The following PPP4R3B variants were observed in gnomAD, a reference collection of about 807,000 sequenced individuals.
PPP4R3B encodes the protein serine/threonine-protein phosphatase 4 regulatory subunit 3B.
In PPP4R3B, 52 loss-of-function variants were observed where a neutral mutation model predicts 95.4. That is an observed-to-expected ratio of 0.54 (90% CI 0.44 to 0.69). The LOEUF (loss-of-function observed/expected upper bound fraction) is 0.69. PPP4R3B is among the 30% of genes least tolerant of loss of function. PPP4R3B has a pLI of 0.00. For missense variants in PPP4R3B, 1,003 were observed against 1,005.9 expected, an observed-to-expected ratio of 1.00 and a Z score of 0.04; for synonymous variants, 407 against 343.9, an observed-to-expected ratio of 1.18 and a Z score of -2.03.
intron 2 of PPP4R3B, among the ~76,000 whole-genome samples, chr2:55,613,885 TG>T (rs1393122556): frequency 1.3e-5 from 2 of 152,012 alleles, no homozygotes; most frequent in Non-Finnish European, 2.9e-5. Flanking sequence ...AGTGATCATC[TG>T]GTAAAAACTC....
intron 16 of PPP4R3B, among the ~76,000 whole-genome samples, chr2:55,554,890 C>T (rs1301223206): frequency 6.6e-6 from 1 of 152,080 alleles, no homozygotes; most frequent in Non-Finnish European, 1.5e-5. Context: ...ACATTTGGAT[C>T]TTTTCATCCA....
chr2:55,596,580 G>C (rs1209670241), intron 4 of PPP4R3B, among the ~76,000 whole-genome samples: 1 of 152,186 alleles, frequency 6.6e-6, no homozygotes, highest in Non-Finnish European at 1.5e-5. Context: ...ATAAAAGCTA[G>C]GTATTTTGTG....
intron 16 of PPP4R3B, among the ~76,000 whole-genome samples, chr2:55,555,605 T>C (rs1312246693): frequency 6.6e-6 from 1 of 152,164 alleles, no homozygotes; most frequent in Non-Finnish European, 1.5e-5. Context: ...TCCTAGAACA[T>C]TATAATAAAT....
intron 8 of PPP4R3B, among the ~76,000 whole-genome samples, chr2:55,580,341 C>A (rs915117642): frequency 1.3e-5 from 2 of 152,080 alleles, no homozygotes; most frequent in African/African-American, 2.4e-5. Context: ...ACTATTGATC[C>A]CATTTGTCTC....
intron 7 of PPP4R3B, among the ~76,000 whole-genome samples, chr2:55,584,455 T>C (rs1689859993): frequency 6.6e-6 from 1 of 152,214 alleles, no homozygotes; most frequent in Non-Finnish European, 1.5e-5. Flanking sequence ...ACCCAAGCAG[T>C]ATACACTGCA....
intron 3 of PPP4R3B, among the ~76,000 whole-genome samples, chr2:55,603,582 T>A (rs1692957195): frequency 6.6e-6 from 1 of 152,224 alleles, no homozygotes; most frequent in African/African-American, 2.4e-5. Flanking sequence ...TAAACTGAAG[T>A]CATGAATACT....
chr2:55,604,510 C>T (rs771301810), intron 2 of PPP4R3B, among the ~76,000 whole-genome samples: 4 of 151,726 alleles, frequency 2.6e-5, no homozygotes, highest in Non-Finnish European at 4.4e-5. Context: ...TAAGGCTTAA[C>T]TCTATTTTTG....
chr2:55,602,529 C>T (rs1692765357), intron 3 of PPP4R3B, among the ~76,000 whole-genome samples: 1 of 152,208 alleles, frequency 6.6e-6, no homozygotes, highest in African/African-American at 2.4e-5. Flanking sequence ...TATTCTTGAC[C>T]TCTGGAGGTG....
chr2:55,576,030 T>C (rs1388413055), intron 11 of PPP4R3B, among the ~76,000 whole-genome samples: 1 of 150,774 alleles, frequency 6.6e-6, no homozygotes, highest in Non-Finnish European at 1.5e-5. Flanking sequence ...ACAGCCAAAA[T>C]TTGAACTAGT....
chr2:55,593,251 T>C (rs1691285971), intron 4 of PPP4R3B, among the ~76,000 whole-genome samples: 1 of 152,164 alleles, frequency 6.6e-6, no homozygotes, highest in Non-Finnish European at 1.5e-5. Flanking sequence ...GCTAGAACAT[T>C]TGGAGTCACT....
intron 4 of PPP4R3B, 111 bp from the exon 5 acceptor site, chr2:55,589,067 T>C (rs755086656): frequency 2.4e-5 from 16 of 660,854 alleles, no homozygotes; most frequent in Non-Finnish European, 3.5e-5. Flanking sequence ...ATTTTCATCA[T>C]GAAACCTAAT....
At chr2:55,604,432 C>T (rs906955871) in intron 2 of PPP4R3B, among the ~76,000 whole-genome samples, 7 of 152,140 alleles carry the variant, frequency 4.6e-5, no homozygotes, top group Non-Finnish European at 8.8e-5. Context: ...CTGTCCCATT[C>T]ACTAACCACC....
rs1223772161 is a variant in PPP4R3B at position 55,579,747 on chromosome 2, T to C, written c.1400A>G (p.Tyr467Cys). 6.2e-7 allele frequency: 1 copy of C among 1,606,580 alleles called. No individual in the cohort carries two copies. Among genetic ancestry groups the C allele is most frequent in the Non-Finnish European group, 8.5e-7 (1 of 1,176,880 alleles). ...TEKSEFLNFF[Y>C]NHCMHVLTAP... is the part of the protein sequence containing the mutation. ...TGTGAGAACATGCATACAATGGTTGTAGAAAAAATTTAGAAATTCACTTTT... is the reference window on the plus strand; with the variant it reads ...TGTGAGAACATGCATACAATGGTTGCAGAAAAAATTTAGAAATTCACTTTT... Residue 467 changes from tyrosine to cysteine, a missense_variant, in exon 9 of 17, where the codon TAC becomes TGC. By Grantham distance (194) the Tyr-to-Cys change is radical. Coordinates refer to ENST00000616407, the MANE Select transcript of PPP4R3B (RefSeq NM_001122964.3).
intron 11 of PPP4R3B, among the ~76,000 whole-genome samples, chr2:55,574,423 T>C (rs1016489631): frequency 6.6e-6 from 1 of 151,910 alleles, no homozygotes; most frequent in African/African-American, 2.4e-5. Context: ...GCTATATTAT[T>C]AATATTAATA....
At chr2:55,603,244 C>T (rs905278239) in intron 3 of PPP4R3B, among the ~76,000 whole-genome samples, 5 of 152,148 alleles carry the variant, frequency 3.3e-5, no homozygotes, top group Non-Finnish European at 7.3e-5. Flanking sequence ...TGAGTAACCG[C>T]GTCCGGATGG....
Position 55,549,765 on chromosome 2 carries a change from A to G in PPP4R3B, c.*146T>C, listed in dbSNP as rs1685038753. ...GGGAAGCCTGATTTTTATTAGAACT[A>G]AACTCTCTTAGCTGATATACTGTCT... On this transcript the variant is annotated 3_prime_UTR_variant, in exon 17 of 17. Transcript: ENST00000616407. The G allele has an allele frequency of 1.6e-6, 1 of 630,922 alleles. No homozygotes were observed. Among genetic ancestry groups the G allele is most frequent in the African/African-American group, 1.9e-5 (1 of 52,212 alleles). 39.1% of individuals were successfully genotyped at this position (630,922 alleles called of 1,614,324 possible). A position where few individuals can be genotyped will look rare whatever the true frequency, so the allele number is the denominator to read the frequency against.
At chr2:55,610,162 T>G (rs1693971645) in intron 2 of PPP4R3B, among the ~76,000 whole-genome samples, 1 of 152,208 alleles carries the variant, frequency 6.6e-6, no homozygotes, top group South Asian at 2.1e-4. Context: ...CAGCACTTTC[T>G]GGAAAATATA....
intron 5 of PPP4R3B, among the ~76,000 whole-genome samples, chr2:55,587,457 G>A (rs1410014803): frequency 1.3e-5 from 2 of 152,168 alleles, no homozygotes; most frequent in East Asian, 1.9e-4. Context: ...GGTGGCACAC[G>A]CCTGTAATCA....
At chr2:55,613,912 A>AT (rs1393708443) in intron 2 of PPP4R3B, among the ~76,000 whole-genome samples, 1 of 152,156 alleles carries the variant, frequency 6.6e-6, no homozygotes, top group African/African-American at 2.4e-5. Flanking sequence ...AAAGACAGAG[A>AT]TTAAGAGCTG....
Sources: gnomAD v4.1 joint callset for allele counts (sites outside exome capture counted in the v4.1 genomes callset) on GRCh38, gnomAD v4.1.1 for gene constraint, MANE v1.5 for transcripts, NCBI Gene and HGNC (gene_info 2026-07-23, HGNC 2026-07-21) for gene names.